The following PALD1 variants were observed in gnomAD, a reference collection of about 807,000 sequenced individuals.
PALD1 encodes the protein paladin.
In PALD1, 57 loss-of-function variants were observed where a neutral mutation model predicts 96.0. The observed-to-expected ratio is 0.59, with a 90% CI of 0.48 to 0.74. The LOEUF (loss-of-function observed/expected upper bound fraction) is 0.74, where lower values mean the gene tolerates loss of function less well. PALD1 is among the 30% of genes least tolerant of loss of function. PALD1 has a pLI of 0.00. For synonymous variants in PALD1, 464 were observed against 473.6 expected (o/e 0.98, Z 0.26); for missense variants, 1,063 against 1,143.7 (o/e 0.93, Z 1.02).
At chr10:70,564,270 C>T (rs561558820) in intron 18 of PALD1, 94 bp from the exon 19 acceptor site, 100 of 1,333,220 alleles carry the variant, frequency 7.5e-5, no homozygotes, top group Middle Eastern at 2.5e-4. Flanking sequence ...GGCTGGATCA[C>T]CCTGCCCTGG....
intron 1 of PALD1, among the ~76,000 whole-genome samples, chr10:70,511,981 C>T (rs758365584): frequency 9.2e-5 from 14 of 151,914 alleles, no homozygotes; most frequent in East Asian, 1.9e-4. Context: ...GAGCTGAGAT[C>T]GCGCCATTGC....
the PALD1 span, among the ~76,000 whole-genome samples, chr10:70,470,550 A>ATTTTTATTATATAATAAATAATATTAT: frequency 2.4e-3 from 359 of 147,384 alleles, 7 homozygotes; most frequent in South Asian, 0.04. Flanking sequence ...AATAAATAAT[A>ATTTTTATTATATAATAAATAATATTAT]TTTTTATTAT....
At chr10:70,511,678 A>AAG (rs1296670361) in intron 1 of PALD1, among the ~76,000 whole-genome samples, 2 of 152,246 alleles carry the variant, frequency 1.3e-5, no homozygotes, top group African/African-American at 4.8e-5. Flanking sequence ...GGCAGAAGGC[A>AAG]GAAGGGCAGG....
chr10:70,510,276 G>A (rs1846485773), intron 1 of PALD1, among the ~76,000 whole-genome samples: 1 of 152,164 alleles, frequency 6.6e-6, no homozygotes, highest in Non-Finnish European at 1.5e-5. Context: ...GGTTGGAAGT[G>A]GGGCTGAAGT....
intron 1 of PALD1, among the ~76,000 whole-genome samples, chr10:70,496,075 G>A (rs901755359): frequency 7.2e-6 from 1 of 138,914 alleles, no homozygotes; most frequent in African/African-American, 3.0e-5. Context: ...AACCAACAAA[G>A]AAAATTTTAA....
intron 1 of PALD1, among the ~76,000 whole-genome samples, chr10:70,490,345 C>G (rs1211561270): frequency 6.6e-6 from 1 of 152,206 alleles, no homozygotes; most frequent in Non-Finnish European, 1.5e-5. Flanking sequence ...CCTCAGTCTC[C>G]TGAGTAGCTA....
chr10:70,466,394 G>A, the PALD1 span, among the ~76,000 whole-genome samples: 9 of 152,036 alleles, frequency 5.9e-5, no homozygotes, highest in South Asian at 8.3e-4. Context: ...ATAGGTGCCC[G>A]CCACCATGCC....
Position 70,529,223 on chromosome 10 carries a change from C to CGGGG in PALD1, c.186-6_186-5insGGGG. Reference sequence around the variant, plus strand: ...TTTCCATTCTGCCCCCCCCCCCCCCCCCCAGGTACAACTGCAAGGAGGAGT... The same window carrying CGGGG: ...TTTCCATTCTGCCCCCCCCCCCCCCCGGGGCCCAGGTACAACTGCAAGGAGGAGT... On this transcript the variant is annotated splice_region_variant and splice_polypyrimidine_tract_variant and intron_variant, in intron 2 of 19. Coordinates refer to ENST00000263563, the MANE Select transcript of PALD1 (RefSeq NM_014431.3). The CGGGG allele has an allele frequency of 3.0e-6, 1 of 338,546 alleles. No homozygotes were observed. The allele number at this position is 338,546 out of a possible 1,614,324, so 21.0% of individuals were successfully genotyped here. A position where few individuals can be genotyped will look rare whatever the true frequency, so the allele number is the denominator to read the frequency against.
chr10:70,518,027 C>T (rs934579471), intron 1 of PALD1, among the ~76,000 whole-genome samples: 3 of 152,130 alleles, frequency 2.0e-5, no homozygotes, highest in African/African-American at 7.2e-5. Context: ...CCTCAGCTTC[C>T]CGAGTAACTG....
chr10:70,543,194 C>A (rs1424853892), intron 17 of PALD1, among the ~76,000 whole-genome samples: 1 of 150,466 alleles, frequency 6.6e-6, no homozygotes, highest in Non-Finnish European at 1.5e-5. Context: ...ACTTGTATAT[C>A]TTCTTTGGAG....
At chr10:70,534,212 C>T in intron 8 of PALD1, 139 bp downstream of exon 8, 2 of 1,088,108 alleles carry the variant, frequency 1.8e-6, no homozygotes, top group Non-Finnish European at 2.6e-6. Context: ...CCTGGTTTGC[C>T]ACGAGACTTG....
intron 18 of PALD1, among the ~76,000 whole-genome samples, chr10:70,548,647 T>C (rs1847416932): frequency 6.6e-6 from 1 of 152,216 alleles, no homozygotes; most frequent in Non-Finnish European, 1.5e-5. Context: ...CAGCCATGTG[T>C]TCCCCACTGC....
intron 1 of PALD1, among the ~76,000 whole-genome samples, chr10:70,505,449 A>G (rs1026850584): frequency 6.6e-6 from 1 of 152,250 alleles, no homozygotes; most frequent in Non-Finnish European, 1.5e-5. Flanking sequence ...TAAAAAAAAT[A>G]CAAAATTAGC....
chr10:70,563,829 A>G (rs1386019319), intron 18 of PALD1, among the ~76,000 whole-genome samples: 1 of 152,152 alleles, frequency 6.6e-6, no homozygotes, highest in African/African-American at 2.4e-5. Context: ...GAGCCTCGAG[A>G]ATGTAGCCTT....
upstream of PALD1, among the ~76,000 whole-genome samples, chr10:70,476,044 T>A (rs1454377423): frequency 6.6e-6 from 1 of 152,162 alleles, no homozygotes; most frequent in Non-Finnish European, 1.5e-5. Flanking sequence ...TAACATGGTG[T>A]CTTGGACGTT....
Position 70,526,047 on chromosome 10 carries a change from C to T in PALD1, c.96C>T (p.Ser32=), listed in dbSNP as rs531408708. 1.7e-5 allele frequency: 27 copies of T among 1,614,136 alleles called. No homozygotes were observed. In the African/African-American group the frequency reaches 1.7e-4, roughly 10 times the overall value. The change falls in exon 2 of 20, where the codon TCC becomes TCT. Residue 32 remains serine, a synonymous_variant. Transcript: ENST00000263563. ...GTGGCACGATGGACAGTCGGCACTC[C>T]GTCAGCATCCACTCCTTCCAGAGCA... is the stretch of plus-strand genomic sequence containing the variant. ...QGSGTMDSRH[S]VSIHSFQSTS...
At chr10:70,564,341 C>T (rs1192659235) in intron 18 of PALD1, 23 bp from the exon 19 acceptor site, 12 of 1,603,996 alleles carry the variant, frequency 7.5e-6, no homozygotes, top group Non-Finnish European at 9.4e-6. Flanking sequence ...CCCACACTGA[C>T]CCCACCCTGT....
At chr10:70,462,917 T>C in the PALD1 span, among the ~76,000 whole-genome samples, 1 of 152,192 alleles carries the variant, frequency 6.6e-6, no homozygotes. Flanking sequence ...CCCTGGGAAC[T>C]GGGAGACTGA....
chr10:70,465,564 G>C, the PALD1 span, among the ~76,000 whole-genome samples: 5 of 152,268 alleles, frequency 3.3e-5, no homozygotes, highest in African/African-American at 1.2e-4. Context: ...CCAATTAGGC[G>C]TGATTATGTT....
Sources: gnomAD v4.1 joint callset for allele counts (sites outside exome capture counted in the v4.1 genomes callset) on GRCh38, gnomAD v4.1.1 for gene constraint, MANE v1.5 for transcripts, NCBI Gene and HGNC (gene_info 2026-07-23, HGNC 2026-07-21) for gene names.